The following PKM variants were observed in gnomAD, a reference collection of about 807,000 sequenced individuals.
PKM encodes pyruvate kinase M1/2.
A neutral mutation model predicts 49.8 loss-of-function variants in PKM; 18 were observed. That is an observed-to-expected ratio of 0.36 (90% CI 0.25 to 0.54). The LOEUF is 0.54. Among genes scored for constraint, PKM ranks in the 20% least tolerant of loss-of-function variants. The pLI is 0.89. For missense variants in PKM, 508 were observed against 713.8 expected (o/e 0.71, Z 3.28); for synonymous variants, 239 against 261.8 (o/e 0.91, Z 0.84).
chr15:72,206,943 A>T, intron 7 of PKM, 63 bp from the exon 8 acceptor site: 1 of 1,579,882 alleles, frequency 6.3e-7, no homozygotes, highest in African/African-American at 1.3e-5. Context: ...AAATGACAGC[A>T]AGCTGATCCT....
In PKM at chr15:72,200,769, C is replaced by A; in HGVS notation, c.1308-114G>T. 2.3e-6 allele frequency: 2 copies of A among 873,002 alleles called. No individual in the cohort carries two copies. Among genetic ancestry groups the A allele is most frequent in the Non-Finnish European group, 3.5e-6 (2 of 564,466 alleles). The allele number at this position is 873,002 out of a possible 1,614,324, so 54.1% of individuals were successfully genotyped here. ...TCCAGCTCACTGAGGGCTCTGGCCT[C>A]TTCAACATCTGCTCCCTAGGACCCC... On this transcript the variant is annotated intron_variant, in intron 9 of 10. Transcript: ENST00000335181. This position sits in a 1 kb window ranked among gnomAD's most constrained non-coding sequence, Gnocchi z 4.6.
In PKM at chr15:72,200,700, C is replaced by T. The variant is rs777351249; in HGVS notation, c.1308-45G>A. 5 of 1,544,998 alleles carry T rather than the reference C, an allele frequency of 3.2e-6. No homozygotes were observed. Among genetic ancestry groups the T allele is most frequent in the South Asian group, 1.1e-5 (1 of 87,094 alleles). On this transcript the variant is annotated intron_variant, in intron 9 of 10. Coordinates refer to ENST00000335181, the MANE Select transcript of PKM (RefSeq NM_002654.6). The surrounding 1 kb of genome is among the most constrained non-coding windows in gnomAD (Gnocchi z 4.6). ...ATACAGAAGAGACCATTACACGAGGCCCCAGGAAGTACCCTCAGGGCGTTC... is the reference window on the plus strand; with the variant it reads ...ATACAGAAGAGACCATTACACGAGGTCCCAGGAAGTACCCTCAGGGCGTTC...
chr15:72,228,662 T>C (rs1330816230), intron 1 of PKM: 1 of 1,280,688 alleles, frequency 7.8e-7, no homozygotes, highest in Non-Finnish European at 1.0e-6. Flanking sequence ...ACAGATTTGG[T>C]GATACGTTAC....
chr15:72,206,604 T>G, intron 8 of PKM, 124 bp downstream of exon 8: 1 of 957,924 alleles, frequency 1.0e-6, no homozygotes, highest in Non-Finnish European at 1.6e-6. Context: ...CTGCTGTAAC[T>G]TGGAGGATAA....
chr15:72,215,565 A>G (rs1192492657), intron 3 of PKM, among the ~76,000 whole-genome samples: 1 of 152,210 alleles, frequency 6.6e-6, no homozygotes, highest in Non-Finnish European at 1.5e-5. Context: ...TGGGAATAGG[A>G]GTGAAAGTAG....
chr15:72,208,742 T>C lies in PKM; in HGVS notation c.715A>G (p.Met239Val), dbSNP rs768019274. The C allele has an allele frequency of 1.2e-6, 2 of 1,613,998 alleles. No homozygotes were observed. Among genetic ancestry groups the C allele is most frequent in the African/African-American group, 1.3e-5 (1 of 74,898 alleles). ...TTGCGGATGAATGACGCAAACACCA[T>C]ATCAACATCCTGCTCGACCCCAAAC... Reference protein sequence around the residue: ...LKFGVEQDVDMVFASFIRKAS... With the variant: ...LKFGVEQDVDVVFASFIRKAS... Residue 239 changes from methionine (M) to valine (V), a missense_variant, in exon 6 of 11, where the codon ATG becomes GTG. Physicochemically the swap from Met to Val is conservative, Grantham distance 21. Coordinates refer to ENST00000335181, the MANE Select transcript of PKM (RefSeq NM_002654.6).
chr15:72,219,596 C>T (rs956547854), intron 1 of PKM, among the ~76,000 whole-genome samples: 5 of 152,202 alleles, frequency 3.3e-5, no homozygotes, highest in East Asian at 1.9e-4. Flanking sequence ...GCTGCTTTGT[C>T]GTGGGGCACC....
chr15:72,215,448 C>T (rs1462269376), intron 3 of PKM, among the ~76,000 whole-genome samples: 1 of 152,018 alleles, frequency 6.6e-6, no homozygotes, highest in Non-Finnish European at 1.5e-5. Flanking sequence ...CCAAGCTGAG[C>T]CCACACACAA....
intron 8 of PKM, among the ~76,000 whole-genome samples, chr15:72,205,624 G>GTTTTTTTTTTTTTTTTT (rs140232218): frequency 1.0e-5 from 1 of 99,740 alleles, no homozygotes; most frequent in Non-Finnish European, 2.0e-5. Context: ...GGGTGTTTTA[G>GTTTTTTTTTTTTTTTTT]TTTTTTTTTT....
At position 72,206,821 on chromosome 15, in the gene PKM, G is replaced by A. The variant is rs151296096; in HGVS notation, c.1047C>T (p.Ala349=). 9 of 1,614,114 alleles carry A rather than the reference G, an allele frequency of 5.6e-6. No individual in the cohort carries two copies. The African/African-American group carries it at 9.3e-5, about 17-fold the overall frequency. ...AGTCGGCTCCATCCAGGACTGCATT[G>A]GCCACATCACTGCCTTCAGCCCGAG... The part of the protein sequence containing the change: ...RPTRAEGSDV[A]NAVLDGADCI... Residue 349 remains alanine (A), a synonymous_variant, in exon 8 of 11, where the codon GCC becomes GCT. Transcript: ENST00000335181.
At chr15:72,203,209 G>C (rs1360620616) in intron 8 of PKM, 3 of 1,611,352 alleles carry the variant, frequency 1.9e-6, no homozygotes, top group Non-Finnish European at 2.5e-6. Context: ...TAGGGGAAGA[G>C]GGGGCAAGGA....
intron 1 of PKM, among the ~76,000 whole-genome samples, chr15:72,230,215 C>CGGCACCGCGCCGCAGGGGCA (rs1476472113): frequency 1.3e-5 from 2 of 152,186 alleles, no homozygotes; most frequent in African/African-American, 4.8e-5. Flanking sequence ...CCACAGGGGA[C>CGGCACCGCGCCGCAGGGGCA]GGCACCGCGC....
intron 10 of PKM, 99 bp from the exon 11 acceptor site, chr15:72,199,855 G>C: frequency 1.3e-6 from 1 of 766,558 alleles, no homozygotes; most frequent in Admixed American, 2.0e-5. Flanking sequence ...TAGGCTGGCT[G>C]ACCACTACTT....
rs1364680221 is a variant in PKM, at chr15:72,200,981, G to C, written c.1308-326C>G. 6 of 282,076 alleles carry C rather than the reference G, an allele frequency of 2.1e-5. No individual in the cohort carries two copies. The highest frequency in any genetic ancestry group is 1.1e-4 in the African/African-American group (5 of 46,860). The allele number at this position is 282,076 out of a possible 1,614,324, so 17.5% of individuals were successfully genotyped here. On this transcript the variant is annotated intron_variant, in intron 9 of 10. Coordinates refer to ENST00000335181, the MANE Select transcript of PKM (RefSeq NM_002654.6). The surrounding 1 kb of genome is among the most constrained non-coding windows in gnomAD (Gnocchi z 4.6). ...CTCCTACACCCTGAACTCTGACACA[G>C]AGAGGCAGCCCTGGCCCAATGTCAC...
chr15:72,221,208 C>T (rs1001274371), intron 1 of PKM: 2 of 1,535,358 alleles, frequency 1.3e-6, no homozygotes, highest in Non-Finnish European at 1.7e-6. Context: ...ACATAATGCT[C>T]CCCTTTTGGC....
chr15:72,203,235 G>A (rs758216535), intron 8 of PKM: 6 of 1,528,602 alleles, frequency 3.9e-6, no homozygotes, highest in Admixed American at 3.4e-5. Context: ...GAAGGAGGAG[G>A]AAAAAAACGA....
At chr15:72,212,430 G>A (rs1296789247) in intron 3 of PKM, among the ~76,000 whole-genome samples, 3 of 151,526 alleles carry the variant, frequency 2.0e-5, no homozygotes, top group African/African-American at 4.8e-5. Flanking sequence ...AGCCGAGATC[G>A]TGCCACTGCA....
chr15:72,217,433 C>T lies in PKM; in HGVS notation c.222G>A (p.Leu74=). Residue 74 remains leucine (L), a synonymous_variant, in exon 3 of 11, where the codon CTG becomes CTA. Transcript: ENST00000335181. ...MIKSGMNVAR[L]NFSHGTHEYH... is the part of the protein sequence containing the mutation. ...CCTCATGAGTTCCATGAGAGAAGTT[C>T]AGACGAGCCACATTCATTCCAGACT... 1 of 1,611,638 alleles carries T rather than the reference C, an allele frequency of 6.2e-7. No homozygotes were observed. Among genetic ancestry groups the T allele is most frequent in the Non-Finnish European group, 8.5e-7 (1 of 1,177,808 alleles).
At chr15:72,218,170 G>T (rs796915665) in intron 2 of PKM, among the ~76,000 whole-genome samples, 14 of 151,724 alleles carry the variant, frequency 9.2e-5, no homozygotes, top group African/African-American at 3.1e-4. Flanking sequence ...TGTTGCCAAG[G>T]CTGGAGTGCA....
Sources: gnomAD v4.1 joint callset for allele counts (sites outside exome capture counted in the v4.1 genomes callset) on GRCh38, gnomAD v4.1.1 for gene constraint, Gnocchi (gnomAD v3.1) non-coding constraint, MANE v1.5 for transcripts, NCBI Gene and HGNC (gene_info 2026-07-23, HGNC 2026-07-21) for gene names.